The following TMEM18 variants were observed in gnomAD, a reference collection of about 807,000 sequenced individuals.
TMEM18 encodes the protein transmembrane protein 18.
Under a neutral mutation model 17.4 loss-of-function variants are expected in TMEM18, and 14 were observed. That is an observed-to-expected ratio of 0.80 (90% CI 0.53 to 1.25). The LOEUF is 1.25. Among genes scored for constraint, TMEM18 ranks in the 50% most tolerant of loss-of-function variants. The pLI, the probability that TMEM18 is intolerant of heterozygous loss-of-function variation, is 0.00. For synonymous variants in TMEM18, 86 were observed against 66.1 expected, an observed-to-expected ratio of 1.30 and a Z score of -1.46; for missense variants, 187 against 172.1, an observed-to-expected ratio of 1.09 and a Z score of -0.48.
At chr2:675,029 A>G (rs1358407328) in intron 2 of TMEM18, among the ~76,000 whole-genome samples, 1 of 152,230 alleles carries the variant, frequency 6.6e-6, no homozygotes, top group East Asian at 1.9e-4. Context: ...CCATGATTTC[A>G]GCTTTTCTGA....
rs199637655 is a variant in TMEM18 at position 675,577 on chromosome 2, G to T, written c.111C>A (p.Leu37=). Residue 37 remains leucine (L), a synonymous_variant, in exon 2 of 5, where the codon CTC becomes CTA. Coordinates refer to ENST00000281017, the MANE Select transcript of TMEM18 (RefSeq NM_152834.4). ...WLMGLATFHA[L]CVLLTCLSSR... ...AGGACAAGCAGGTGAGGAGCACGCA[G>T]AGCGCGTGGAAGGTGGCCAGCCCCA... 65 of 1,614,230 alleles carry T rather than the reference G, an allele frequency of 4.0e-5. No individual in the cohort carries two copies. In the South Asian group the frequency reaches 6.7e-4, roughly 17 times the overall value.
Position 667,015 on chromosome 2 carries a change from T to C in TMEM18, c.*2565A>G, listed in dbSNP as rs1572407425. On this transcript the variant is annotated 3_prime_UTR_variant, in exon 5 of 5. Coordinates refer to ENST00000281017, the MANE Select transcript of TMEM18 (RefSeq NM_152834.4). ...TTACCCTGAATTCCACCCCCAGCCC[T>C]TTTTTTTTTTTTTTAACATTTATTA... Among the ~76,000 whole-genome samples, 1 of 5,600 alleles carries C rather than the reference T, an allele frequency of 1.8e-4. No homozygotes were observed. Among genetic ancestry groups the C allele is most frequent in the Non-Finnish European group, 5.4e-4 (1 of 1,840 alleles). The allele number at this position is 5,600 out of a possible 152,430, so 3.7% of individuals were successfully genotyped here. A position where few individuals can be genotyped will look rare whatever the true frequency, so the allele number is the denominator to read the frequency against.
rs61739994 is a variant in TMEM18 at position 677,382 on chromosome 2, C to G, written c.-37G>C. 4,200 of 1,604,308 alleles carry G rather than the reference C, an allele frequency of 2.6e-3. 100 individuals are homozygous for G. In the African/African-American group the frequency reaches 0.05, roughly 19 times the overall value. ...GCCCGCTCTCACAGCAACCGCCGAA[C>G]CCGGCCTGGCCAGAATCCACAGAGG... On this transcript the variant is annotated 5_prime_UTR_variant, in exon 1 of 5. Coordinates refer to ENST00000281017, the MANE Select transcript of TMEM18 (RefSeq NM_152834.4).
Position 666,895 on chromosome 2 carries a change from C to T in TMEM18, c.*2685G>A, listed in dbSNP as rs1678706495. On this transcript the variant is annotated 3_prime_UTR_variant, in exon 5 of 5. Coordinates refer to ENST00000281017, the MANE Select transcript of TMEM18 (RefSeq NM_152834.4). ...GACAAGGAAGCCTGAAGTTCTTTTCCAGGGAAAAGATGCTTGGGCCTGACC... is the reference window on the plus strand; with the variant it reads ...GACAAGGAAGCCTGAAGTTCTTTTCTAGGGAAAAGATGCTTGGGCCTGACC... Among the ~76,000 whole-genome samples the T allele has an allele frequency of 6.6e-6, 1 of 152,012 alleles. No individual in the cohort carries two copies. Among genetic ancestry groups the T allele is most frequent in the Non-Finnish European group, 1.5e-5 (1 of 68,008 alleles).
chr2:667,030 A>T lies in TMEM18; in HGVS notation c.*2550T>A, dbSNP rs1173822778. 1.2e-4 allele frequency among the ~76,000 whole-genome samples: 12 copies of T among 97,972 alleles called. No homozygotes were observed. The highest frequency in any genetic ancestry group is 4.3e-5 in the Non-Finnish European group (2 of 46,108). The allele number at this position is 97,972 out of a possible 152,430, so 64.3% of individuals were successfully genotyped here. ...CCCCCAGCCCTTTTTTTTTTTTTTTAACATTTATTATTTTGTAAAGGGCAA... is the reference window on the plus strand; with the variant it reads ...CCCCCAGCCCTTTTTTTTTTTTTTTTACATTTATTATTTTGTAAAGGGCAA... On this transcript the variant is annotated 3_prime_UTR_variant, in exon 5 of 5. Transcript: ENST00000281017.
rs1293696174 is a variant in TMEM18 at position 666,339 on chromosome 2, T to C, written c.*3241A>G. Among the ~76,000 whole-genome samples, 6 of 152,168 alleles carry C rather than the reference T, an allele frequency of 3.9e-5. 1 individual carries two copies. The highest frequency in any genetic ancestry group is 4.1e-4 in the South Asian group (2 of 4,830). On this transcript the variant is annotated 3_prime_UTR_variant, in exon 5 of 5. Transcript: ENST00000281017. ...AGGTTCCTTTCAGGGCCTGTGCCAG[T>C]CAGCGCCTCCCCTGGCATAGGTCTT...
intron 2 of TMEM18, 48 bp downstream of exon 2, chr2:675,462 C>A (rs780195484): frequency 2.5e-5 from 40 of 1,612,860 alleles, no homozygotes; most frequent in African/African-American, 5.3e-5. Context: ...TACACAGTTT[C>A]ATTTCACACA....
In TMEM18 at chr2:666,671, T is replaced by A. The variant is rs1678699066; in HGVS notation, c.*2909A>T. On this transcript the variant is annotated 3_prime_UTR_variant, in exon 5 of 5. Coordinates refer to ENST00000281017, the MANE Select transcript of TMEM18 (RefSeq NM_152834.4). ...CCTGGGACTGGGCAGCGCCACCCCC[T>A]GGGTGCTCTTCTCTGCCCTGGCTCG... Among the ~76,000 whole-genome samples, 1 of 152,136 alleles carries A rather than the reference T, an allele frequency of 6.6e-6. No homozygotes were observed. The highest frequency in any genetic ancestry group is 6.5e-5 in the Admixed American group (1 of 15,282).
intron 1 of TMEM18, chr2:676,645 C>T (rs923089200): frequency 3.2e-6 from 5 of 1,549,634 alleles, no homozygotes; most frequent in South Asian, 1.2e-5. Context: ...CCCATGTCAC[C>T]CCTTGGCGGC....
intron 1 of TMEM18, chr2:676,621 G>C: frequency 6.5e-7 from 1 of 1,550,376 alleles, no homozygotes; most frequent in South Asian, 1.2e-5. Flanking sequence ...TTTCTGCCCA[G>C]ACCCCATCGA....
In TMEM18 at chr2:669,286, CAT is replaced by C; in HGVS notation, c.*292_*293del. 1 of 400,824 alleles carries C rather than the reference CAT, an allele frequency of 2.5e-6. No individual in the cohort carries two copies. The highest frequency in any genetic ancestry group is 4.5e-6 in the Non-Finnish European group (1 of 224,220). 24.8% of individuals were successfully genotyped at this position (400,824 alleles called of 1,614,324 possible). On this transcript the variant is annotated 3_prime_UTR_variant, in exon 5 of 5. Coordinates refer to ENST00000281017, the MANE Select transcript of TMEM18 (RefSeq NM_152834.4). ...ATATTTATAATTAGTACTAGTTACACATATGACATGGACTTCTTCAAATCAAA... is the reference window on the plus strand; with the variant it reads ...ATATTTATAATTAGTACTAGTTACACATGACATGGACTTCTTCAAATCAAA...
Position 669,358 on chromosome 2 carries a change from T to C in TMEM18, c.*222A>G. 1.7e-6 allele frequency: 1 copy of C among 575,312 alleles called. No homozygotes were observed. The highest frequency in any genetic ancestry group is 2.8e-5 in the East Asian group (1 of 35,186). The allele number at this position is 575,312 out of a possible 1,614,324, so 35.6% of individuals were successfully genotyped here. On this transcript the variant is annotated 3_prime_UTR_variant, in exon 5 of 5. Transcript: ENST00000281017. ...GCAGAGACCGTTCCCACAGCCTGAC[T>C]ACAAAGATCAGGCACCTGAAGACGC... is the stretch of plus-strand genomic sequence containing the variant.
At position 667,328 on chromosome 2, in the gene TMEM18, T is replaced by A. The variant is rs1029504700; in HGVS notation, c.*2252A>T. On this transcript the variant is annotated 3_prime_UTR_variant, in exon 5 of 5. Transcript: ENST00000281017. ...TTTTTTTGAAAAAAACAAAAAAAAA[T>A]ACTACATATTATTAAAGATGTATTT... is the stretch of plus-strand genomic sequence containing the variant. 1 of 152,120 alleles carries A rather than the reference T, an allele frequency of 6.6e-6. No homozygotes were observed. The highest frequency in any genetic ancestry group is 1.5e-5 in the Non-Finnish European group (1 of 67,984). The allele number at this position is 152,120 out of a possible 1,614,324, so 9.4% of individuals were successfully genotyped here.
chr2:667,283 A>C lies in TMEM18; in HGVS notation c.*2297T>G, dbSNP rs1350775992. ...AGGTGCTCCTGTTTCCAGTTACAGT[A>C]AGGTGCAAAACAAATACCATTTTTT... On this transcript the variant is annotated 3_prime_UTR_variant, in exon 5 of 5. Transcript: ENST00000281017. 3.9e-5 allele frequency: 6 copies of C among 152,136 alleles called. No homozygotes were observed. Among genetic ancestry groups the C allele is most frequent in the Non-Finnish European group, 8.8e-5 (6 of 68,028 alleles). The allele number at this position is 152,136 out of a possible 1,614,324, so 9.4% of individuals were successfully genotyped here.
intron 2 of TMEM18, among the ~76,000 whole-genome samples, chr2:675,286 A>G (rs926044716): frequency 3.9e-5 from 6 of 152,252 alleles, no homozygotes; most frequent in Admixed American, 6.5e-5. Flanking sequence ...CCTCCCTGGT[A>G]GGCAACAGGA....
rs931173677 is a variant in TMEM18 at position 666,586 on chromosome 2, C to T, written c.*2994G>A. Among the ~76,000 whole-genome samples, 3 of 152,152 alleles carry T rather than the reference C, an allele frequency of 2.0e-5. No homozygotes were observed. The highest frequency in any genetic ancestry group is 4.4e-5 in the Non-Finnish European group (3 of 68,026). On this transcript the variant is annotated 3_prime_UTR_variant, in exon 5 of 5. Coordinates refer to ENST00000281017, the MANE Select transcript of TMEM18 (RefSeq NM_152834.4). ...TGGCACCCACAGCCTGCGTGGGCCTCGCCGCCCCATCCTGCCTTCCCTGTG... is the reference window on the plus strand; with the variant it reads ...TGGCACCCACAGCCTGCGTGGGCCTTGCCGCCCCATCCTGCCTTCCCTGTG...
At chr2:676,117 G>A (rs935888511) in intron 1 of TMEM18, 3 of 1,323,852 alleles carry the variant, frequency 2.3e-6, no homozygotes, top group South Asian at 1.2e-5. Context: ...GAAGACCTCA[G>A]GGAATCTTGA....
rs1678634125 is a variant in TMEM18 at position 664,749 on chromosome 2, T to TG, written c.*4830dup. Among the ~76,000 whole-genome samples, 1 of 152,248 alleles carries TG rather than the reference T, an allele frequency of 6.6e-6. No individual in the cohort carries two copies. Among genetic ancestry groups the TG allele is most frequent in the South Asian group, 2.1e-4 (1 of 4,836 alleles). On this transcript the variant is annotated 3_prime_UTR_variant, in exon 5 of 5. Transcript: ENST00000281017. ...TTATATATGTTGACTAAATTTCACT[T>TG]GTAAGAATTTATTCCAAGTCAATAG... is the stretch of plus-strand genomic sequence containing the variant.
At chr2:669,698 T>C (rs112472519) in intron 4 of TMEM18, 23 bp from the exon 5 acceptor site, 1 of 1,614,144 alleles carries the variant, frequency 6.2e-7, no homozygotes, top group African/African-American at 1.3e-5. Flanking sequence ...GTTTGAGACA[T>C]GTTTAGATTT....
Sources: gnomAD v4.1 joint callset for allele counts (sites outside exome capture counted in the v4.1 genomes callset) on GRCh38, gnomAD v4.1.1 for gene constraint, MANE v1.5 for transcripts, NCBI Gene and HGNC (gene_info 2026-07-23, HGNC 2026-07-21) for gene names.